PRH1: variants seen among roughly 807,000 people sequenced by gnomAD.
PRH1 encodes the protein proline rich protein HaeIII subfamily 1.
In PRH1, 7 loss-of-function variants were observed where a neutral mutation model predicts 7.9. That is an observed-to-expected ratio of 0.89 (90% CI 0.50 to 1.67). PRH1 has a LOEUF of 1.67. Ranked by LOEUF, PRH1 falls within the 40% of genes most tolerant of loss-of-function variation. The pLI, the probability that PRH1 is intolerant of heterozygous loss-of-function variation, is 0.00. For missense variants in PRH1, 109 were observed against 223.6 expected, an observed-to-expected ratio of 0.49 and a Z score of 3.27; for synonymous variants, 45 against 80.8, an observed-to-expected ratio of 0.56 and a Z score of 2.38.
At chr12:10,934,005 A>G (rs1950249813) in intron 2 of PRH1, among the ~76,000 whole-genome samples, 1 of 152,172 alleles carries the variant, frequency 6.6e-6, no homozygotes. Context: ...TTAAAATAAA[A>G]TTTAATACAA....
intron 1 of PRH1, among the ~76,000 whole-genome samples, chr12:11,115,399 A>G (rs1320037100): frequency 1.4e-5 from 2 of 148,110 alleles, no homozygotes; most frequent in Non-Finnish European, 3.1e-5. Context: ...AGATATATAA[A>G]GCAAATACTA....
chr12:10,945,698 C>T (rs1950476181), intron 2 of PRH1, among the ~76,000 whole-genome samples: 1 of 152,086 alleles, frequency 6.6e-6, no homozygotes, highest in Non-Finnish European at 1.5e-5. Flanking sequence ...CCGGTTTGAC[C>T]AAAATTTATT....
At position 10,882,599 on chromosome 12, in the gene PRH1, T is replaced by C; in HGVS notation, c.200A>G (p.Asp67Gly). ...TTGGGGTGGTCCCTGCTGAGGGCCA[T>C]CATCCTGGTTCCCATCACCAGCAGA... is the stretch of plus-strand genomic sequence containing the variant. Reference protein sequence around the residue: ...QPSAGDGNQDDGPQQGPPQQG... With the variant: ...QPSAGDGNQDGGPQQGPPQQG... The change falls in exon 3 of 4, where the codon GAT becomes GGT. Residue 67 changes from aspartate (D) to glycine (G), a missense_variant. Asp to Gly is a moderately conservative substitution (Grantham distance 94). This residue lies in a region of PRH1 where 60 missense variants were observed against 76.5 expected (regional missense o/e 0.78). Coordinates refer to ENST00000543626, the MANE Select transcript of PRH1 (RefSeq NM_001393989.1). 6.2e-7 allele frequency: 1 copy of C among 1,609,738 alleles called. No homozygotes were observed. Among genetic ancestry groups the C allele is most frequent in the Non-Finnish European group, 8.5e-7 (1 of 1,178,590 alleles).
intron 1 of PRH1, among the ~76,000 whole-genome samples, chr12:11,043,000 A>C (rs1343906252): frequency 6.6e-6 from 1 of 152,162 alleles, no homozygotes; most frequent in Non-Finnish European, 1.5e-5. Context: ...AAGGAAAACT[A>C]CAAGTAAATA....
intron 1 of PRH1, among the ~76,000 whole-genome samples, chr12:11,054,182 G>A (rs1943265021): frequency 6.6e-6 from 1 of 152,086 alleles, no homozygotes. Flanking sequence ...ATTTCATCAA[G>A]AGTAACACAA....
At chr12:10,977,225 G>T (rs1939146016) in intron 1 of PRH1, among the ~76,000 whole-genome samples, 1 of 152,164 alleles carries the variant, frequency 6.6e-6, no homozygotes. Flanking sequence ...CCATAATCAA[G>T]TAGGCTTTAT....
chr12:11,104,708 T>A (rs991303208), intron 1 of PRH1, among the ~76,000 whole-genome samples: 4 of 147,284 alleles, frequency 2.7e-5, no homozygotes, highest in African/African-American at 1.0e-4. Flanking sequence ...TAGGATATGA[T>A]CCTTCACCTT....
intron 1 of PRH1, among the ~76,000 whole-genome samples, chr12:11,101,060 T>C (rs762140077): frequency 6.6e-6 from 1 of 152,206 alleles, no homozygotes; most frequent in Non-Finnish European, 1.5e-5. Flanking sequence ...GTATCAAAAA[T>C]AATTAAATTG....
At chr12:11,017,663 T>A (rs944806377) in intron 1 of PRH1, among the ~76,000 whole-genome samples, 3 of 151,040 alleles carry the variant, frequency 2.0e-5, no homozygotes, top group African/African-American at 7.3e-5. Context: ...TTTTTTTGTA[T>A]TTTTTTTTAA....
rs140799632 is a variant in PRH1 at position 11,146,812 on chromosome 12, A to G, written n.39+24610T>C. On this transcript the variant is annotated intron_variant and non_coding_transcript_variant, in intron 1 of 1. Transcript: ENST00000541175. The stretch of plus-strand genomic sequence containing the variant: ...TTATCCAAACAATTTACTGCAAAAA[A>G]CACATCTTATCTACTAATTTCTAAT... Among the ~76,000 whole-genome samples the G allele has an allele frequency of 2.8e-3, 432 of 152,296 alleles. 4 individuals are homozygous for G. The highest frequency in any genetic ancestry group is 9.7e-3 in the African/African-American group (405 of 41,570).
chr12:10,959,048 G>A (rs181499472), intron 2 of PRH1, among the ~76,000 whole-genome samples: 11 of 152,284 alleles, frequency 7.2e-5, no homozygotes, highest in Admixed American at 7.2e-4. Flanking sequence ...CAGCAGTTTA[G>A]ACTAGTATGG....
chr12:10,965,745 C>A (rs910539569), intron 2 of PRH1, among the ~76,000 whole-genome samples: 4 of 152,316 alleles, frequency 2.6e-5, no homozygotes, highest in East Asian at 1.9e-4. Flanking sequence ...TGTTCAGTAA[C>A]TTTAGCTGTT....
rs1950087527 is a variant in PRH1, at chr12:10,923,968, CT to C, written c.-58-39694del. 3.2e-5 allele frequency among the ~76,000 whole-genome samples: 3 copies of C among 94,400 alleles called. No homozygotes were observed. The South Asian group carries it at 1.2e-3, about 37-fold the overall frequency. The allele number at this position is 94,400 out of a possible 152,430, so 61.9% of individuals were successfully genotyped here. A position where few individuals can be genotyped will look rare whatever the true frequency, so the allele number is the denominator to read the frequency against. On this transcript the variant is annotated intron_variant, in intron 2 of 3. Coordinates refer to the PRH1 transcript ENST00000539853. The stretch of plus-strand genomic sequence containing the variant: ...TGCTTTGAGATTAAAGTGATAAGTT[CT>C]TTTTATTCATTTCTCCATCTGTTTT...
chr12:11,045,782 C>T (rs990032830), intron 1 of PRH1, among the ~76,000 whole-genome samples: 1 of 152,066 alleles, frequency 6.6e-6, no homozygotes, highest in African/African-American at 2.4e-5. Flanking sequence ...ATTCCTGGTG[C>T]AATTTAAGAC....
chr12:11,128,275 T>C (rs1455210340), intron 1 of PRH1, among the ~76,000 whole-genome samples: 1 of 152,350 alleles, frequency 6.6e-6, no homozygotes, highest in Middle Eastern at 3.4e-3. Flanking sequence ...TGATTTATGA[T>C]GAATAGATGT....
At chr12:10,985,952 G>C in intron 1 of PRH1, 2 of 1,596,452 alleles carry the variant, frequency 1.3e-6, no homozygotes, top group Non-Finnish European at 1.7e-6. Flanking sequence ...AGAGTTTCAG[G>C]TCTTTTACTC....
intron 2 of PRH1, among the ~76,000 whole-genome samples, chr12:10,940,684 C>T (rs781405342): frequency 6.6e-5 from 10 of 152,156 alleles, no homozygotes; most frequent in Non-Finnish European, 1.2e-4. Flanking sequence ...CTAGCCAAGA[C>T]GGGGAAATCA....
At chr12:11,156,921 C>T (rs1947269583) in intron 1 of PRH1, among the ~76,000 whole-genome samples, 1 of 150,974 alleles carries the variant, frequency 6.6e-6, no homozygotes, top group South Asian at 2.1e-4. Context: ...TCTTGGCTCA[C>T]TGCAAGCTCT....
chr12:11,059,097 G>C (rs941313634), intron 1 of PRH1, among the ~76,000 whole-genome samples: 1 of 152,178 alleles, frequency 6.6e-6, no homozygotes, highest in Admixed American at 6.5e-5. Context: ...TTCTGCCTCA[G>C]GGAAACAATG....
Sources: allele counts gnomAD v4.1 joint callset (sites outside exome capture counted in the v4.1 genomes callset), GRCh38; gene constraint gnomAD v4.1.1; regional missense constraint gnomAD v4.1.1; transcripts MANE v1.5; gene names NCBI Gene and HGNC (gene_info 2026-07-23, HGNC 2026-07-21).